BIRC7: variants seen among roughly 807,000 people sequenced by gnomAD.
BIRC7 encodes the protein baculoviral IAP repeat-containing protein 7.
Under a neutral mutation model 33.2 loss-of-function variants are expected in BIRC7, and 26 were observed. The observed-to-expected ratio is 0.78, with a 90% CI of 0.57 to 1.09. BIRC7 has a LOEUF of 1.09. Among genes scored for constraint, BIRC7 ranks in the 50% least tolerant of loss-of-function variants. BIRC7 has a pLI of 0.00. For missense variants in BIRC7, 409 were observed against 401.2 expected (o/e 1.02, Z -0.17); for synonymous variants, 176 against 171.0 (o/e 1.03, Z -0.23).
rs200751512 is a variant in BIRC7 at position 63,236,364 on chromosome 20, C to T, written c.268C>T (p.Arg90Cys). 2.3e-5 allele frequency: 37 copies of T among 1,591,286 alleles called. No individual in the cohort carries two copies. The highest frequency in any genetic ancestry group is 2.7e-5 in the African/African-American group (2 of 74,560). ...AFPGMGSEEL[R>C]LASFYDWPLT... ...CCCCGGCATGGGCTCTGAGGAGTTG[C>T]GTCTGGCCTCCTTCTATGACTGGCC... The change falls in exon 1 of 7, where the codon CGT becomes TGT. Residue 90 changes from arginine (R) to cysteine (C), a missense_variant. Arg to Cys is a radical substitution (Grantham distance 180). Coordinates refer to ENST00000217169, the MANE Select transcript of BIRC7 (RefSeq NM_139317.3).
At chr20:63,237,346 G>T (rs1170353868) in intron 1 of BIRC7, among the ~76,000 whole-genome samples, 1 of 152,224 alleles carries the variant, frequency 6.6e-6, no homozygotes, top group African/African-American at 2.4e-5. Context: ...TCCAGTGCCC[G>T]ATGCAGCCCA....
At chr20:63,238,187 G>T in intron 2 of BIRC7, 185 bp downstream of exon 2, 1 of 850,578 alleles carries the variant, frequency 1.2e-6, no homozygotes. Context: ...CCCCTTTTCG[G>T]AAGGGCTGCT....
intron 3 of BIRC7, 22 bp from the exon 4 acceptor site, chr20:63,238,547 G>C: frequency 6.2e-7 from 1 of 1,613,154 alleles, no homozygotes. Context: ...CCCAAGGCCT[G>C]ATGGTCTCTG....
chr20:63,239,631 C>T (rs372981255), intron 6 of BIRC7, 21 bp downstream of exon 6: 21 of 1,574,434 alleles, frequency 1.3e-5, no homozygotes, highest in East Asian at 4.6e-5. Flanking sequence ...CAGCACCACG[C>T]GCAGCCAGCC....
intron 1 of BIRC7, 128 bp downstream of exon 1, chr20:63,236,573 C>A: frequency 7.5e-7 from 1 of 1,338,902 alleles, no homozygotes. Flanking sequence ...GATGACGGAG[C>A]AGTGGTCCTG....
chr20:63,237,838 G>GGACA, intron 1 of BIRC7, 65 bp from the exon 2 acceptor site: 1 of 1,410,714 alleles, frequency 7.1e-7, no homozygotes, highest in South Asian at 1.4e-5. Flanking sequence ...AGCCTTGGAA[G>GGACA]GACACACCGG....
intron 2 of BIRC7, 184 bp from the exon 3 acceptor site, chr20:63,238,212 C>A: frequency 1.1e-6 from 1 of 872,242 alleles, no homozygotes; most frequent in Non-Finnish European, 1.8e-6. Flanking sequence ...GCAGAAATGC[C>A]TCTCCCATGG....
intron 4 of BIRC7, chr20:63,238,881 C>T: frequency 1.6e-6 from 1 of 626,294 alleles, no homozygotes; most frequent in South Asian, 2.0e-5. Flanking sequence ...CGCCATACCA[C>T]CCCCAACAGT....
Position 63,236,430 on chromosome 20 carries a change from G to A in BIRC7, c.334G>A (p.Gly112Ser), listed in dbSNP as rs149322415. The change falls in exon 1 of 7, where the codon GGC (glycine) becomes AGC (serine). Residue 112 changes from glycine to serine, a missense_variant. By Grantham distance (56) the Gly-to-Ser change is moderately conservative (BLOSUM62 0). Transcript: ENST00000217169. ...EVPPELLAAA[G>S]FFHTGHQDKV... ...GCCACCCGAGCTGCTGGCTGCTGCC[G>A]GCTTCTTCCACACAGGTCAGTCCCG... 4.2e-4 allele frequency: 649 copies of A among 1,543,278 alleles called. 8 individuals are homozygous for A. The highest frequency in any genetic ancestry group is 1.2e-4 in the Non-Finnish European group (139 of 1,143,726).
Position 63,239,329 on chromosome 20 carries a change from G to A in BIRC7, c.650-29G>A, listed in dbSNP as rs200528640. 75 of 1,603,020 alleles carry A rather than the reference G, an allele frequency of 4.7e-5. No homozygotes were observed. The East Asian group carries it at 1.6e-3, about 35-fold the overall frequency. ...CCATAGAGGGTGGGGGCCAGGGTGT[G>A]GGGACATTTCGCAGGCCTGTCCTCC... On this transcript the variant is annotated intron_variant, in intron 5 of 6. Transcript: ENST00000217169.
intron 4 of BIRC7, 194 bp downstream of exon 4, chr20:63,238,808 C>T: frequency 1.3e-6 from 1 of 742,990 alleles, no homozygotes; most frequent in Admixed American, 2.8e-5. Context: ...GGGGCCTCCC[C>T]CAGTGCCAGG....
intron 2 of BIRC7, 89 bp from the exon 3 acceptor site, chr20:63,238,307 G>A (rs755558237): frequency 1.3e-6 from 2 of 1,504,096 alleles, no homozygotes; most frequent in East Asian, 2.3e-5. Flanking sequence ...CGGGAGGAGG[G>A]GGCCCAACCC....
Position 63,236,505 on chromosome 20 carries a change from C to A in BIRC7, c.349+60C>A, listed in dbSNP as rs571558547. ...GCCTGGGCACGATTCTGGACCCTTC[C>A]AGCCCAGGGCTCTGCCTCCTCCGTA... is the stretch of plus-strand genomic sequence containing the variant. On this transcript the variant is annotated intron_variant, in intron 1 of 6. Transcript: ENST00000217169. The A allele has an allele frequency of 4.0e-6, 6 of 1,482,380 alleles. No homozygotes were observed. The African/African-American group carries it at 5.6e-5, about 14-fold the overall frequency. The allele number at this position is 1,482,380 out of a possible 1,614,324, so 91.8% of individuals were successfully genotyped here.
At chr20:63,237,767 C>G in intron 1 of BIRC7, 136 bp from the exon 2 acceptor site, 1 of 664,118 alleles carries the variant, frequency 1.5e-6, no homozygotes, top group Non-Finnish European at 2.4e-6. Context: ...CCACCAAGCC[C>G]CCTGCCCACC....
Position 63,239,243 on chromosome 20 carries a change from C to T in BIRC7, c.649+10C>T, listed in dbSNP as rs764010820. On this transcript the variant is annotated intron_variant, in intron 5 of 6. Coordinates refer to ENST00000217169, the MANE Select transcript of BIRC7 (RefSeq NM_139317.3). ...AGTGCCCAGGAGCCAGGTGCAGGCC[C>T]GGGACCCCCTGGGTGAGGGCTGGGG... 6.1e-5 allele frequency: 94 copies of T among 1,553,312 alleles called. No homozygotes were observed. The highest frequency in any genetic ancestry group is 5.6e-5 in the Admixed American group (3 of 53,644).
chr20:63,236,580 C>T, intron 1 of BIRC7, 135 bp downstream of exon 1: 1 of 1,317,432 alleles, frequency 7.6e-7, no homozygotes, highest in Non-Finnish European at 9.8e-7. Flanking sequence ...GAGCAGTGGT[C>T]CTGCAAGCCC....
At position 63,238,062 on chromosome 20, in the gene BIRC7, G is replaced by A. The variant is rs890574943; in HGVS notation, c.449+60G>A. On this transcript the variant is annotated intron_variant, in intron 2 of 6. Transcript: ENST00000217169. ...CATGGGTAGGGGGTGGGCCCCCAAC[G>A]GCTCTGTCGACCCAACACCAGGCCT... 22 of 1,410,408 alleles carry A rather than the reference G, an allele frequency of 1.6e-5. No individual in the cohort carries two copies. In the Admixed American group the frequency reaches 2.1e-4, roughly 13 times the overall value. 87.4% of individuals were successfully genotyped at this position (1,410,408 alleles called of 1,614,324 possible).
At chr20:63,238,361 C>T (rs6122106) in intron 2 of BIRC7, 35 bp from the exon 3 acceptor site, 2 of 1,610,124 alleles carry the variant, frequency 1.2e-6, no homozygotes, top group African/African-American at 1.3e-5. Context: ...AGTGGGGGCC[C>T]TGAACCCCAA....
chr20:63,238,905 C>T (rs1164091273), intron 4 of BIRC7: 2 of 625,642 alleles, frequency 3.2e-6, no homozygotes, highest in South Asian at 2.0e-5. Context: ...CAGCACACAG[C>T]ATCTGCAGCT....
Sources: allele counts gnomAD v4.1 joint callset (sites outside exome capture counted in the v4.1 genomes callset), GRCh38; gene constraint gnomAD v4.1.1; transcripts MANE v1.5; gene names NCBI Gene and HGNC (gene_info 2026-07-23, HGNC 2026-07-21).